Variants in SDK1 observed in about 807,000 individuals in gnomAD.
SDK1 encodes sidekick cell adhesion molecule 1, also known as protein sidekick-1.
SDK1 carries 157 observed loss-of-function variants against 245.5 expected under a neutral mutation model. The observed-to-expected ratio is 0.64, with a 90% CI of 0.56 to 0.73. The LOEUF is 0.73. SDK1 is among the 30% of genes least tolerant of loss of function. The probability of loss-of-function intolerance (pLI) is 0.00; values close to 1 mark genes in which losing one functional copy is unlikely to be tolerated. For missense variants in SDK1, 3,583 were observed against 3,002.3 expected, an observed-to-expected ratio of 1.19 and a Z score of -4.52; for synonymous variants, 1,647 against 1,278.5, an observed-to-expected ratio of 1.29 and a Z score of -6.15.
Position 4,265,716 on chromosome 7 carries a change from C to G in SDK1, c.*332C>G. On this transcript the variant is annotated 3_prime_UTR_variant, in exon 45 of 45. Transcript: ENST00000404826. Reference sequence around the variant, plus strand: ...CCCTGGGTTTCTCCGTCTTCAAGACCAACTAGGAAGGGTCAAGCGGGGAGA... The same window carrying G: ...CCCTGGGTTTCTCCGTCTTCAAGACGAACTAGGAAGGGTCAAGCGGGGAGA... 9.0e-7 allele frequency: 1 copy of G among 1,105,440 alleles called. No homozygotes were observed. Among genetic ancestry groups the G allele is most frequent in the Non-Finnish European group, 1.1e-6 (1 of 911,136 alleles). 68.5% of individuals were successfully genotyped at this position (1,105,440 alleles called of 1,614,324 possible).
chr7:4,177,656 G>C (rs1275117527), intron 34 of SDK1, among the ~76,000 whole-genome samples: 1 of 152,244 alleles, frequency 6.6e-6, no homozygotes, highest in African/African-American at 2.4e-5. Context: ...TTTGACACCA[G>C]GGGTGGGTTT....
intron 5 of SDK1, among the ~76,000 whole-genome samples, chr7:3,917,490 C>G (rs1409101707): frequency 6.6e-6 from 1 of 152,092 alleles, no homozygotes; most frequent in African/African-American, 2.4e-5. Flanking sequence ...GTGAGCCCCT[C>G]CCTGTGCTCA....
At chr7:3,493,989 G>C (rs1477632519) in intron 1 of SDK1, among the ~76,000 whole-genome samples, 1 of 152,154 alleles carries the variant, frequency 6.6e-6, no homozygotes, top group African/African-American at 2.4e-5. Context: ...TTCCTGTATA[G>C]ACAGTTCATT....
chr7:3,769,527 T>C (rs1218412277), intron 4 of SDK1, among the ~76,000 whole-genome samples: 1 of 152,158 alleles, frequency 6.6e-6, no homozygotes, highest in Non-Finnish European at 1.5e-5. Flanking sequence ...GCCCCTAAGC[T>C]CCCATCTCTC....
intron 1 of SDK1, among the ~76,000 whole-genome samples, chr7:3,566,385 C>T (rs1005596988): frequency 7.9e-5 from 12 of 152,108 alleles, no homozygotes; most frequent in Non-Finnish European, 1.3e-4. Context: ...CCATCACGCC[C>T]AGCTAATTTT....
chr7:4,024,055 C>CT (rs1301925122), intron 17 of SDK1, among the ~76,000 whole-genome samples: 5 of 152,090 alleles, frequency 3.3e-5, no homozygotes, highest in African/African-American at 4.8e-5. Context: ...CAAGATTTTC[C>CT]TTTTTTTCTG....
At chr7:3,637,719 CTTACAG>C (rs1158812626) in intron 2 of SDK1, among the ~76,000 whole-genome samples, 24 of 152,290 alleles carry the variant, frequency 1.6e-4, no homozygotes, top group Admixed American at 1.2e-3. Context: ...AGGATGATTA[CTTACAG>C]TTACAGAAGT....
chr7:3,642,181 A>G, intron 4 of SDK1, 76 bp downstream of exon 4: 1 of 1,413,696 alleles, frequency 7.1e-7, no homozygotes, highest in Non-Finnish European at 9.9e-7. Context: ...CAGTAAGTGT[A>G]CCAATTAAGG....
intron 5 of SDK1, among the ~76,000 whole-genome samples, chr7:3,920,157 C>T (rs528881952): frequency 6.6e-6 from 1 of 152,304 alleles, no homozygotes; most frequent in East Asian, 1.9e-4. Flanking sequence ...TGATGGAGAG[C>T]AGCACTGAGG....
intron 4 of SDK1, among the ~76,000 whole-genome samples, chr7:3,762,329 C>CTGCTGCAGCGCTTGGATAG (rs1780130247): frequency 6.6e-6 from 1 of 152,200 alleles, no homozygotes; most frequent in Non-Finnish European, 1.5e-5. Context: ...CAGACTGCAC[C>CTGCTGCAGCGCTTGGATAG]TGCTGCAGCG....
chr7:3,928,540 TC>T (rs1207639561), intron 5 of SDK1, among the ~76,000 whole-genome samples: 4 of 152,150 alleles, frequency 2.6e-5, no homozygotes, highest in Admixed American at 6.5e-5. Context: ...TTAATTCTAC[TC>T]TGCAGTAGAA....
At chr7:4,013,781 C>T (rs891812288) in intron 16 of SDK1, among the ~76,000 whole-genome samples, 2 of 152,202 alleles carry the variant, frequency 1.3e-5, no homozygotes, top group African/African-American at 4.8e-5. Context: ...CCCAGGGGTA[C>T]ACAAATAGCT....
intron 1 of SDK1, among the ~76,000 whole-genome samples, chr7:3,584,658 G>C (rs957379218): frequency 1.6e-4 from 24 of 152,252 alleles, no homozygotes; most frequent in African/African-American, 5.5e-4. Context: ...GCTTGGGCGT[G>C]TCCGCTGAGT....
intron 1 of SDK1, among the ~76,000 whole-genome samples, chr7:3,349,278 G>A (rs758134469): frequency 6.6e-5 from 10 of 152,088 alleles, no homozygotes; most frequent in Non-Finnish European, 1.5e-4. Flanking sequence ...CTGTGGTTTT[G>A]TGGGAAGAGC....
intron 4 of SDK1, among the ~76,000 whole-genome samples, chr7:3,774,076 A>T (rs531415769): frequency 6.6e-6 from 1 of 152,054 alleles, no homozygotes; most frequent in Non-Finnish European, 1.5e-5. Flanking sequence ...TTAGCCAGGC[A>T]TGGTGGCGGG....
At chr7:3,569,932 C>T (rs989310918) in intron 1 of SDK1, among the ~76,000 whole-genome samples, 4 of 152,178 alleles carry the variant, frequency 2.6e-5, no homozygotes, top group Non-Finnish European at 5.9e-5. Flanking sequence ...TCTCCTTTTC[C>T]TCTGTCTCCC....
At position 4,265,391 on chromosome 7, in the gene SDK1, CG is replaced by C. The variant is rs1221486022; in HGVS notation, c.*8del. 1 of 1,425,378 alleles carries C rather than the reference CG, an allele frequency of 7.0e-7. No homozygotes were observed. Among genetic ancestry groups the C allele is most frequent in the Non-Finnish European group, 9.1e-7 (1 of 1,100,278 alleles). The allele number at this position is 1,425,378 out of a possible 1,614,324, so 88.3% of individuals were successfully genotyped here. On this transcript the variant is annotated 3_prime_UTR_variant, in exon 45 of 45. Transcript: ENST00000404826. ...CTTCTCCTCCTTCGTGTGAGCAAAG[CG>C]CCGCGCCTCCCTCAGGGCGGAACGG...
intron 44 of SDK1, among the ~76,000 whole-genome samples, chr7:4,246,414 C>T (rs1455422749): frequency 6.6e-6 from 1 of 152,114 alleles, no homozygotes; most frequent in Non-Finnish European, 1.5e-5. Context: ...GGCCCATTCT[C>T]TCTCCATTTC....
At chr7:3,494,487 AT>A (rs999448684) in intron 1 of SDK1, among the ~76,000 whole-genome samples, 16 of 151,964 alleles carry the variant, frequency 1.1e-4, no homozygotes, top group Admixed American at 7.9e-4. Flanking sequence ...TTGTGAAAGA[AT>A]TTTTTTTGTT....
Sources: allele counts gnomAD v4.1 joint callset (sites outside exome capture counted in the v4.1 genomes callset), GRCh38; gene constraint gnomAD v4.1.1; transcripts MANE v1.5; gene names NCBI Gene and HGNC (gene_info 2026-07-23, HGNC 2026-07-21).